Variants in DOCK2 observed in about 807,000 individuals in gnomAD.
The protein encoded by DOCK2 is dedicator of cytokinesis protein 2.
In DOCK2, 87 loss-of-function variants were observed where a neutral mutation model predicts 248.9. The observed-to-expected ratio is 0.35, with a 90% CI of 0.29 to 0.42. DOCK2 has a LOEUF of 0.42. DOCK2 is among the 10% of genes least tolerant of loss of function. The pLI is 1.00. For missense variants in DOCK2, 1,747 were observed against 2,300.2 expected, an observed-to-expected ratio of 0.76 and a Z score of 4.92; for synonymous variants, 805 against 821.6, an observed-to-expected ratio of 0.98 and a Z score of 0.35.
intron 27 of DOCK2, among the ~76,000 whole-genome samples, chr5:169,861,596 G>A (rs770884032): frequency 2.6e-5 from 4 of 152,164 alleles, no homozygotes; most frequent in Non-Finnish European, 4.4e-5. Context: ...ATAACCTCAA[G>A]TACAGCATTT....
intron 27 of DOCK2, among the ~76,000 whole-genome samples, chr5:169,885,257 T>C (rs985150933): frequency 6.6e-6 from 1 of 152,238 alleles, no homozygotes; most frequent in African/African-American, 2.4e-5. Flanking sequence ...CACTACCCTG[T>C]AGACTCCGGA....
chr5:169,800,944 C>CTTTTTTTT (rs60140740), intron 25 of DOCK2, among the ~76,000 whole-genome samples: 649 of 53,150 alleles, frequency 0.012, 18 homozygotes, highest in East Asian at 0.02. Context: ...TTCTTTCTTT[C>CTTTTTTTT]TTTTTTTTTT....
chr5:169,719,101 A>G (rs994594266), intron 22 of DOCK2, among the ~76,000 whole-genome samples: 5 of 152,350 alleles, frequency 3.3e-5, no homozygotes, highest in South Asian at 2.1e-4. Context: ...CCAGCAATCT[A>G]TATCCAATGT....
At chr5:170,056,790 G>A (rs1433131309) in intron 43 of DOCK2, 22 bp downstream of exon 43, 1 of 1,609,176 alleles carries the variant, frequency 6.2e-7, no homozygotes, top group South Asian at 1.1e-5. Context: ...CCCTACCCTT[G>A]ATCATTCCCT....
At chr5:169,773,509 T>C (rs1336877401) in intron 25 of DOCK2, among the ~76,000 whole-genome samples, 1 of 152,184 alleles carries the variant, frequency 6.6e-6, no homozygotes, top group Non-Finnish European at 1.5e-5. Flanking sequence ...AAAATCACTC[T>C]GTTCTCATAT....
At chr5:169,845,088 A>G (rs1770224916) in intron 27 of DOCK2, among the ~76,000 whole-genome samples, 1 of 150,922 alleles carries the variant, frequency 6.6e-6, no homozygotes, top group South Asian at 2.1e-4. Flanking sequence ...AACTCAACTC[A>G]TTGCCAGGTC....
chr5:169,903,780 G>A (rs896994597), intron 27 of DOCK2, among the ~76,000 whole-genome samples: 3 of 152,102 alleles, frequency 2.0e-5, no homozygotes, highest in African/African-American at 7.2e-5. Flanking sequence ...TTAACCCTAA[G>A]AGCAGTGGAA....
intron 25 of DOCK2, among the ~76,000 whole-genome samples, chr5:169,799,654 T>C (rs1292859165): frequency 6.6e-6 from 1 of 152,232 alleles, no homozygotes; most frequent in Non-Finnish European, 1.5e-5. Flanking sequence ...CTCAACTTTA[T>C]GATGGCAAGA....
At chr5:169,916,668 A>G (rs11749769) in intron 27 of DOCK2, among the ~76,000 whole-genome samples, 53,968 of 131,946 alleles carry the variant, frequency 0.41, 10,061 homozygotes, top group South Asian at 0.47. Flanking sequence ...AGGGATTGGT[A>G]ACTTTTCAAA....
intron 25 of DOCK2, among the ~76,000 whole-genome samples, chr5:169,795,050 T>C: frequency 6.6e-6 from 1 of 152,218 alleles, no homozygotes; most frequent in East Asian, 1.9e-4. Context: ...ACAGTAACAG[T>C]TCCATCAGTT....
At chr5:169,994,260 G>C (rs1778279990) in intron 29 of DOCK2, among the ~76,000 whole-genome samples, 1 of 152,182 alleles carries the variant, frequency 6.6e-6, no homozygotes, top group South Asian at 2.1e-4. Context: ...GGACTGGGGA[G>C]TATGTGAGAG....
chr5:169,895,772 C>G (rs186615026), intron 27 of DOCK2, among the ~76,000 whole-genome samples: 5 of 152,250 alleles, frequency 3.3e-5, no homozygotes, highest in Non-Finnish European at 7.4e-5. Context: ...TGACCTAGGA[C>G]AAGTCATCTC....
At chr5:169,637,645 A>T (rs1756900976) in intron 1 of DOCK2, among the ~76,000 whole-genome samples, 1 of 152,106 alleles carries the variant, frequency 6.6e-6, no homozygotes, top group African/African-American at 2.4e-5. Context: ...GCGCTTGACA[A>T]CTCAGTTCTT....
chr5:169,717,625 C>T, intron 21 of DOCK2, 141 bp downstream of exon 21: 1 of 765,856 alleles, frequency 1.3e-6, no homozygotes, highest in Non-Finnish European at 2.2e-6. Flanking sequence ...CTAACCTATG[C>T]TTGGGTTATT....
intron 2 of DOCK2, 62 bp from the exon 3 acceptor site, chr5:169,669,223 CAGA>C: frequency 1.2e-6 from 2 of 1,603,680 alleles, no homozygotes; most frequent in Non-Finnish European, 1.7e-6. Context: ...CAAAACAAAA[CAGA>C]AAAACACTAG....
At chr5:169,774,839 C>T (rs1765287006) in intron 25 of DOCK2, among the ~76,000 whole-genome samples, 1 of 152,168 alleles carries the variant, frequency 6.6e-6, no homozygotes, top group African/African-American at 2.4e-5. Context: ...CTTTAATTTT[C>T]CTCCCTAAAA....
At chr5:169,876,942 G>A (rs567522789) in intron 27 of DOCK2, among the ~76,000 whole-genome samples, 1 of 152,312 alleles carries the variant, frequency 6.6e-6, no homozygotes, top group South Asian at 2.1e-4. Flanking sequence ...GACTTTGAGA[G>A]ACTAGCCATT....
At chr5:169,817,433 G>A (rs1467772327) in intron 26 of DOCK2, among the ~76,000 whole-genome samples, 2 of 152,208 alleles carry the variant, frequency 1.3e-5, no homozygotes, top group African/African-American at 4.8e-5. Flanking sequence ...AGGTGTTGAA[G>A]ACAAGCTCCT....
chr5:169,650,077 C>T (rs1331154013), intron 1 of DOCK2, among the ~76,000 whole-genome samples: 1 of 152,132 alleles, frequency 6.6e-6, no homozygotes, highest in Admixed American at 6.5e-5. Flanking sequence ...GGATTACAGG[C>T]GTGAGCCGCC....
Sources: allele counts gnomAD v4.1 joint callset (sites outside exome capture counted in the v4.1 genomes callset), GRCh38; gene constraint gnomAD v4.1.1; transcripts MANE v1.5; gene names NCBI Gene and HGNC (gene_info 2026-07-23, HGNC 2026-07-21).